The following LAMA2 variants were observed in gnomAD, a reference collection of about 807,000 sequenced individuals.
LAMA2 encodes laminin subunit alpha-2.
In LAMA2, 269 loss-of-function variants were observed where a neutral mutation model predicts 364.8. The ratio of observed to expected loss-of-function variants is 0.74; its 90% CI spans 0.67 to 0.82. LAMA2 has a LOEUF of 0.82. Among genes scored for constraint, LAMA2 ranks in the 40% least tolerant of loss-of-function variants. The pLI is 0.00. For synonymous variants in LAMA2, 1,379 were observed against 1,370.6 expected (o/e 1.01, Z -0.14); for missense variants, 3,807 against 3,873.2 (o/e 0.98, Z 0.45).
chr6:129,429,387 G>A (rs1048546230), intron 41 of LAMA2, among the ~76,000 whole-genome samples: 1 of 152,118 alleles, frequency 6.6e-6, no homozygotes, highest in South Asian at 2.1e-4. Flanking sequence ...CTCAAATGAG[G>A]AAATACTTAT....
chr6:129,467,395 C>G (rs978694906), intron 51 of LAMA2, among the ~76,000 whole-genome samples: 1 of 151,752 alleles, frequency 6.6e-6, no homozygotes, highest in African/African-American at 2.4e-5. Context: ...TTAAAAATCG[C>G]CTGTTGGGTA....
At chr6:129,438,901 C>A (rs1781965245) in intron 42 of LAMA2, 139 bp downstream of exon 42, 3 of 667,860 alleles carry the variant, frequency 4.5e-6, no homozygotes, top group Non-Finnish European at 8.3e-6. Flanking sequence ...CTCATGAATT[C>A]TTCTTTGTGA....
chr6:129,277,914 T>C (rs1788440395), intron 17 of LAMA2, among the ~76,000 whole-genome samples: 1 of 152,140 alleles, frequency 6.6e-6, no homozygotes, highest in Non-Finnish European at 1.5e-5. Context: ...AGCTTTAAAG[T>C]GTCAAGGCCA....
intron 18 of LAMA2, among the ~76,000 whole-genome samples, chr6:129,286,154 G>A (rs1483503055): frequency 4.6e-5 from 7 of 152,100 alleles, no homozygotes. Context: ...TCTGTGAGTA[G>A]ATGAGCATAA....
chr6:129,028,743 A>G (rs1786014351), intron 1 of LAMA2, among the ~76,000 whole-genome samples: 1 of 151,828 alleles, frequency 6.6e-6, no homozygotes, highest in Non-Finnish European at 1.5e-5. Flanking sequence ...AGCCTGAGGG[A>G]ATCAATATGG....
chr6:129,341,640 C>T (rs1322159842), intron 29 of LAMA2, among the ~76,000 whole-genome samples: 1 of 152,140 alleles, frequency 6.6e-6, no homozygotes, highest in African/African-American at 2.4e-5. Flanking sequence ...GTAGCTCTTC[C>T]TAACTCCTTA....
chr6:128,973,339 GATA>G (rs1479929940), intron 1 of LAMA2, among the ~76,000 whole-genome samples: 1 of 152,142 alleles, frequency 6.6e-6, no homozygotes, highest in African/African-American at 2.4e-5. Context: ...GAAGGACACT[GATA>G]ATAAGAGAGT....
At chr6:129,441,049 A>G (rs1285524622) in intron 43 of LAMA2, 51 bp downstream of exon 43, 2 of 1,498,306 alleles carry the variant, frequency 1.3e-6, no homozygotes, top group Middle Eastern at 1.7e-4. Flanking sequence ...CTCTCACTGT[A>G]AAAGTATCCC....
At position 128,933,098 on chromosome 6, in the gene LAMA2, T is replaced by C. The variant is rs1006362055; in HGVS notation, c.112+49741T>C. Among the ~76,000 whole-genome samples the C allele has an allele frequency of 3.9e-4, 59 of 152,200 alleles. 2 individuals carry two copies. Among genetic ancestry groups the C allele is most frequent in the Admixed American group, 3.5e-3 (54 of 15,276 alleles). On this transcript the variant is annotated intron_variant, in intron 1 of 64. Transcript: ENST00000421865. ...CATGTGAGTGAGATCATACTGTATT[T>C]GTTTTTCTATGTGTGGCTTATCTCA...
chr6:129,480,629 G>T (rs993479625), intron 54 of LAMA2, among the ~76,000 whole-genome samples: 1 of 152,088 alleles, frequency 6.6e-6, no homozygotes, highest in Non-Finnish European at 1.5e-5. Flanking sequence ...ATGGGGAGCT[G>T]ATTTTCTCCC....
intron 4 of LAMA2, among the ~76,000 whole-genome samples, chr6:129,104,854 C>T (rs1775728816): frequency 1.3e-5 from 2 of 151,998 alleles, no homozygotes; most frequent in Admixed American, 1.3e-4. Flanking sequence ...AGAGCTTAAC[C>T]CTGAAACCTA....
chr6:128,911,717 G>T (rs1777974670), intron 1 of LAMA2, among the ~76,000 whole-genome samples: 1 of 152,116 alleles, frequency 6.6e-6, no homozygotes, highest in African/African-American at 2.4e-5. Context: ...AAATGTATGT[G>T]ACATTTGACA....
At position 129,066,038 on chromosome 6, in the gene LAMA2, G is replaced by GTTTTTTTTTTTT. The variant is rs544271722; in HGVS notation, c.396+6156_396+6167dup. On this transcript the variant is annotated intron_variant, in intron 3 of 64. Transcript: ENST00000421865. ...TCTTTTGTAAATTGCCCAGTCTCAG[G>GTTTTTTTTTTTT]TTTTTTTTTTTTTTTTTTTTTTTTT... Among the ~76,000 whole-genome samples the GTTTTTTTTTTTT allele has an allele frequency of 2.9e-3, 107 of 37,088 alleles. 14 individuals are homozygous for GTTTTTTTTTTTT. Among genetic ancestry groups the GTTTTTTTTTTTT allele is most frequent in the African/African-American group, 8.7e-3 (101 of 11,676 alleles). The allele number at this position is 37,088 out of a possible 152,430, so 24.3% of individuals were successfully genotyped here. A position where few individuals can be genotyped will look rare whatever the true frequency, so the allele number is the denominator to read the frequency against.
chr6:129,161,597 C>G (rs1294965341), intron 8 of LAMA2, among the ~76,000 whole-genome samples: 2 of 151,986 alleles, frequency 1.3e-5, no homozygotes, highest in African/African-American at 4.8e-5. Context: ...ATTTGGTGTA[C>G]AGATTATTTT....
At position 129,416,109 on chromosome 6, in the gene LAMA2, C is replaced by T. The variant is rs1478956117; in HGVS notation, c.5866-11643C>T. ...GACTACAGGCGCCCGCCACTACGCC[C>T]GGCTAATTTTTTTGTATTTTTAGTA... On this transcript the variant is annotated intron_variant, in intron 40 of 64. Transcript: ENST00000421865. Among the ~76,000 whole-genome samples, 8 of 97,414 alleles carry T rather than the reference C, an allele frequency of 8.2e-5. 4 individuals carry two copies. The highest frequency in any genetic ancestry group is 7.9e-4 in the South Asian group (2 of 2,522). 63.9% of individuals were successfully genotyped at this position (97,414 alleles called of 152,430 possible).
At chr6:129,296,769 A>G (rs1031553932) in intron 20 of LAMA2, among the ~76,000 whole-genome samples, 3 of 152,132 alleles carry the variant, frequency 2.0e-5, no homozygotes, top group African/African-American at 7.2e-5. Flanking sequence ...AAAATATCAT[A>G]ATAATGTGAC....
rs761756877 is a variant in LAMA2, at chr6:129,383,175, C to T, written c.5013C>T (p.Thr1671=). 7.4e-6 allele frequency: 12 copies of T among 1,613,836 alleles called. No homozygotes were observed. Among genetic ancestry groups the T allele is most frequent in the Non-Finnish European group, 1.0e-5 (12 of 1,179,902 alleles). The change falls in exon 35 of 65, where the codon ACC becomes ACT. Residue 1671 remains threonine, a synonymous_variant. Transcript: ENST00000421865. ...GEQTGQDAER[T]NTRAKSLGEF... ...AGACCGGACAGGATGCTGAGAGGAC[C>T]AACACAAGAGCAAAGTCCCTGGGAG...
chr6:129,041,061 C>T (rs1787054852), intron 1 of LAMA2, among the ~76,000 whole-genome samples: 1 of 152,148 alleles, frequency 6.6e-6, no homozygotes, highest in South Asian at 2.1e-4. Flanking sequence ...CCAGCTGTGC[C>T]ATTTAAATTC....
rs1224606111 is a variant in LAMA2 at position 129,270,769 on chromosome 6, C to T, written c.2450+18C>T. 6.2e-7 allele frequency: 1 copy of T among 1,611,210 alleles called. No individual in the cohort carries two copies. Among genetic ancestry groups the T allele is most frequent in the East Asian group, 2.2e-5 (1 of 44,804 alleles). ...TCCAATAAGTAAGTAACAAACTTAC[C>T]CCATGAATAAGCTCAGCATCCATTT... On this transcript the variant is annotated intron_variant, in intron 17 of 64. Transcript: ENST00000421865.
Sources: gnomAD v4.1 joint callset for allele counts (sites outside exome capture counted in the v4.1 genomes callset) on GRCh38, gnomAD v4.1.1 for gene constraint, MANE v1.5 for transcripts, NCBI Gene and HGNC (gene_info 2026-07-23, HGNC 2026-07-21) for gene names.